The following FCHO2 variants were observed in gnomAD, a reference collection of about 807,000 sequenced individuals.
FCHO2 encodes the protein FCH and mu domain containing endocytic adaptor 2.
In FCHO2, 43 loss-of-function variants were observed where a neutral mutation model predicts 114.1. The ratio of observed to expected loss-of-function variants is 0.38; its 90% CI spans 0.30 to 0.49. The LOEUF is 0.49. Among genes scored for constraint, FCHO2 ranks in the 20% least tolerant of loss-of-function variants. FCHO2 has a pLI of 0.97. For missense variants in FCHO2, 807 were observed against 950.4 expected (o/e 0.85, Z 1.98); for synonymous variants, 293 against 315.2 (o/e 0.93, Z 0.75).
intron 8 of FCHO2, among the ~76,000 whole-genome samples, chr5:73,022,112 G>A (rs1007512553): frequency 5.3e-5 from 8 of 152,228 alleles, no homozygotes; most frequent in African/African-American, 1.7e-4. Context: ...AATTAGACTA[G>A]AACTAAGTGT....
At chr5:73,021,183 C>T (rs1229095504) in intron 8 of FCHO2, 13 of 768,972 alleles carry the variant, frequency 1.7e-5, no homozygotes, top group Admixed American at 5.1e-5. Flanking sequence ...GCTGGTGAAC[C>T]GGCTGTAGAG....
In FCHO2 at chr5:73,061,006, A is replaced by AC. The variant is rs1305389718; in HGVS notation, c.1345+2483dup. On this transcript the variant is annotated intron_variant, in intron 17 of 25. Transcript: ENST00000430046. ...ATGAATTAATTGAACTCTTGTGCTC[A>AC]CAAAAAAAAAAAAAACCGCTTAAAA... Among the ~76,000 whole-genome samples the AC allele has an allele frequency of 5.3e-5, 7 of 131,658 alleles. No homozygotes were observed. In the East Asian group the frequency reaches 1.7e-3, roughly 32 times the overall value. 86.4% of individuals were successfully genotyped at this position (131,658 alleles called of 152,430 possible).
chr5:73,037,110 A>T (rs1756550233), intron 9 of FCHO2, 33 bp from the exon 10 acceptor site: 1 of 1,388,544 alleles, frequency 7.2e-7, no homozygotes, highest in African/African-American at 1.5e-5. Context: ...AGGAATGTTT[A>T]TGTTTCTGTA....
chr5:73,085,304 G>A (rs1422200663), intron 24 of FCHO2, among the ~76,000 whole-genome samples: 7 of 151,960 alleles, frequency 4.6e-5, no homozygotes, highest in Admixed American at 1.3e-4. Context: ...AGCCAACATC[G>A]CACCACTGCC....
chr5:73,080,174 CAAAT>C (rs1374568286), intron 22 of FCHO2, among the ~76,000 whole-genome samples: 4 of 152,120 alleles, frequency 2.6e-5, no homozygotes, highest in Admixed American at 1.3e-4. Flanking sequence ...ACTCAATAGA[CAAAT>C]AACCTATGGA....
intron 21 of FCHO2, 107 bp from the exon 22 acceptor site, chr5:73,078,073 C>T (rs932026554): frequency 1.9e-5 from 15 of 802,386 alleles, no homozygotes; most frequent in Admixed American, 3.6e-5. Context: ...TTCATCCCAC[C>T]TCTTGGTTTA....
At chr5:73,034,176 T>TG (rs1756376813) in intron 8 of FCHO2, among the ~76,000 whole-genome samples, 1 of 152,234 alleles carries the variant, frequency 6.6e-6, no homozygotes, top group Non-Finnish European at 1.5e-5. Context: ...ATTATTTACC[T>TG]GGCATTTTTT....
intron 1 of FCHO2, among the ~76,000 whole-genome samples, chr5:72,958,421 A>G (rs2112574359): frequency 6.6e-6 from 1 of 152,254 alleles, no homozygotes; most frequent in Non-Finnish European, 1.5e-5. Context: ...TTGTCCCAGT[A>G]CCATTTGTTG....
intron 11 of FCHO2, 34 bp from the exon 12 acceptor site, chr5:73,051,315 T>G: frequency 7.2e-7 from 1 of 1,394,298 alleles, no homozygotes. Context: ...TACATTGGAG[T>G]TGTCATTATA....
intron 5 of FCHO2, among the ~76,000 whole-genome samples, chr5:73,004,245 G>A (rs1754595931): frequency 6.6e-6 from 1 of 151,924 alleles, no homozygotes; most frequent in African/African-American, 2.4e-5. Context: ...TGGTTATCTG[G>A]GTTTCTTGCG....
intron 2 of FCHO2, among the ~76,000 whole-genome samples, chr5:72,971,837 G>T (rs537616774): frequency 1.6e-4 from 24 of 152,162 alleles, no homozygotes; most frequent in South Asian, 1.5e-3. Context: ...GTTTTAGGTC[G>T]AACATTTAAG....
At chr5:72,962,125 C>G (rs1751909116) in intron 1 of FCHO2, among the ~76,000 whole-genome samples, 2 of 152,074 alleles carry the variant, frequency 1.3e-5, no homozygotes, top group Non-Finnish European at 2.9e-5. Flanking sequence ...TTGAGAGGCC[C>G]TTAGAATTTT....
intron 24 of FCHO2, among the ~76,000 whole-genome samples, chr5:73,083,658 G>A (rs1356076071): frequency 2.0e-5 from 3 of 152,082 alleles, no homozygotes; most frequent in East Asian, 1.9e-4. Context: ...TTGGTAGGCC[G>A]AGGTGGGTGG....
intron 2 of FCHO2, among the ~76,000 whole-genome samples, chr5:72,970,585 T>A (rs62360740): frequency 0.14 from 20,639 of 151,924 alleles, 1,657 homozygotes; most frequent in East Asian, 0.35. Context: ...TTTATCCCTC[T>A]GAATTACATG....
intron 2 of FCHO2, among the ~76,000 whole-genome samples, chr5:72,980,560 A>G (rs977074602): frequency 1.3e-5 from 2 of 152,162 alleles, no homozygotes; most frequent in Non-Finnish European, 2.9e-5. Context: ...AAAGTCTCCC[A>G]CTATTATTGT....
intron 9 of FCHO2, 52 bp from the exon 10 acceptor site, chr5:73,037,091 A>G: frequency 2.4e-6 from 3 of 1,266,428 alleles, no homozygotes; most frequent in Admixed American, 2.5e-5. Flanking sequence ...TAAGTTTAAT[A>G]TGTTTATCAG....
At chr5:73,036,949 A>C (rs1360456842) in intron 9 of FCHO2, among the ~76,000 whole-genome samples, 194 bp from the exon 10 acceptor site, 1 of 152,222 alleles carries the variant, frequency 6.6e-6, no homozygotes, top group Non-Finnish European at 1.5e-5. Context: ...TTGATAAACA[A>C]TAGACTATGT....
intron 10 of FCHO2, among the ~76,000 whole-genome samples, chr5:73,039,496 G>A (rs1371891495): frequency 6.6e-6 from 1 of 152,090 alleles, no homozygotes; most frequent in Non-Finnish European, 1.5e-5. Flanking sequence ...AGAAGGATTG[G>A]GTTATTATTA....
At chr5:73,009,253 T>G (rs1180098933) in intron 6 of FCHO2, among the ~76,000 whole-genome samples, 1 of 152,264 alleles carries the variant, frequency 6.6e-6, no homozygotes, top group East Asian at 1.9e-4. Flanking sequence ...TGTTTTGTCT[T>G]TTAAATCATT....
Sources: gnomAD v4.1 joint callset for allele counts (sites outside exome capture counted in the v4.1 genomes callset) on GRCh38, gnomAD v4.1.1 for gene constraint, MANE v1.5 for transcripts, NCBI Gene and HGNC (gene_info 2026-07-23, HGNC 2026-07-21) for gene names.